Variants in SLC25A38 observed in about 807,000 individuals in gnomAD.
SLC25A38 encodes solute carrier family 25 member 38, also known as mitochondrial glycine transporter.
SLC25A38 carries 27 observed loss-of-function variants against 33.4 expected under a neutral mutation model. The observed-to-expected ratio is 0.81, with a 90% CI of 0.60 to 1.11. The LOEUF (loss-of-function observed/expected upper bound fraction) is 1.11. Ranked by LOEUF, SLC25A38 falls within the 50% of genes most tolerant of loss-of-function variation. The pLI, the probability that SLC25A38 is intolerant of heterozygous loss-of-function variation, is 0.00. For missense variants in SLC25A38, 344 were observed against 388.8 expected, an observed-to-expected ratio of 0.88 and a Z score of 0.97; for synonymous variants, 123 against 145.9, an observed-to-expected ratio of 0.84 and a Z score of 1.13.
Position 39,390,462 on chromosome 3 carries a change from G to C in SLC25A38, c.231G>C (p.Val77=). 1 of 1,614,196 alleles carries C rather than the reference G, an allele frequency of 6.2e-7. No individual in the cohort carries two copies. The highest frequency in any genetic ancestry group is 1.6e-4 in the Middle Eastern group (1 of 6,062). ...GGATGTTGGCTGTACTCTTGAAGGT[G>C]GTTCGCACGGAGAGTCTTTTGGGCC... The part of the protein sequence containing the change: ...RVGMLAVLLK[V]VRTESLLGLW... Residue 77 remains valine (V), a synonymous_variant, in exon 3 of 7, where the codon GTG becomes GTC. Transcript: ENST00000650617.
chr3:39,386,284 T>C (rs2041707346), intron 1 of SLC25A38, among the ~76,000 whole-genome samples: 1 of 152,162 alleles, frequency 6.6e-6, no homozygotes. Context: ...ATTTGCAGTT[T>C]TAAAAGATGA....
At position 39,389,437 on chromosome 3, in the gene SLC25A38, G is replaced by A; in HGVS notation, c.70-58G>A. 1 of 1,614,022 alleles carries A rather than the reference G, an allele frequency of 6.2e-7. No homozygotes were observed. Among genetic ancestry groups the A allele is most frequent in the African/African-American group, 1.3e-5 (1 of 75,070 alleles). ...TAAAGGAATTTGCTGGTCAGGTATA[G>A]AGAAAGGTGAGGCTCACACAGGCAG... On this transcript the variant is annotated intron_variant, in intron 1 of 6. Transcript: ENST00000650617. The surrounding 1 kb of genome is among the most constrained non-coding windows in gnomAD (Gnocchi z 4.5).
chr3:39,391,113 C>T (rs2041761428), intron 3 of SLC25A38, among the ~76,000 whole-genome samples: 2 of 152,220 alleles, frequency 1.3e-5, no homozygotes, highest in African/African-American at 4.8e-5. Context: ...ACAGAGTCCT[C>T]AACCACTGAA....
chr3:39,394,375 A>T, intron 5 of SLC25A38, 35 bp from the exon 6 acceptor site: 1 of 1,611,648 alleles, frequency 6.2e-7, no homozygotes, highest in Non-Finnish European at 8.5e-7. Context: ...TTAATATAAG[A>T]TCTATGTCCA....
intron 1 of SLC25A38, among the ~76,000 whole-genome samples, chr3:39,388,953 G>A (rs973674945): frequency 5.3e-5 from 8 of 152,174 alleles, no homozygotes; most frequent in Admixed American, 5.2e-4. Context: ...GATCTGCTTA[G>A]GGCCCAGTGA....
In SLC25A38 at chr3:39,389,390, G is replaced by GT; in HGVS notation, c.70-104dup. ...TGAAGAAAACATGAGGCACCACCAG[G>GT]TAAGTGTCTAAGAGACCATTATAAA... On this transcript the variant is annotated intron_variant, in intron 1 of 6. Transcript: ENST00000650617. The surrounding 1 kb of genome is among the most constrained non-coding windows in gnomAD (Gnocchi z 4.5). The GT allele has an allele frequency of 6.4e-7, 1 of 1,568,794 alleles. No individual in the cohort carries two copies. The highest frequency in any genetic ancestry group is 2.2e-5 in the East Asian group (1 of 44,626).
At chr3:39,391,348 G>A (rs1050368262) in intron 3 of SLC25A38, 93 bp from the exon 4 acceptor site, 17 of 1,568,774 alleles carry the variant, frequency 1.1e-5, no homozygotes, top group African/African-American at 6.8e-5. Context: ...ACTTGCATGC[G>A]AATCATCTTG....
intron 4 of SLC25A38, 58 bp downstream of exon 4, chr3:39,391,678 G>A: frequency 6.2e-7 from 1 of 1,612,350 alleles, no homozygotes; most frequent in Non-Finnish European, 8.5e-7. Context: ...GGGCTCCTGG[G>A]GAGTGACCAC....
At position 39,389,450 on chromosome 3, in the gene SLC25A38, C is replaced by T; in HGVS notation, c.70-45C>T. The T allele has an allele frequency of 6.2e-7, 1 of 1,614,162 alleles. No homozygotes were observed. The highest frequency in any genetic ancestry group is 1.1e-5 in the South Asian group (1 of 91,054). On this transcript the variant is annotated intron_variant, in intron 1 of 6. Transcript: ENST00000650617. This position sits in a 1 kb window ranked among gnomAD's most constrained non-coding sequence, Gnocchi z 4.5. Reference sequence around the variant, plus strand: ...TGGTCAGGTATAGAGAAAGGTGAGGCTCACACAGGCAGAGCTACTGACACA... The same window carrying T: ...TGGTCAGGTATAGAGAAAGGTGAGGTTCACACAGGCAGAGCTACTGACACA...
chr3:39,391,780 C>T, intron 4 of SLC25A38, 73 bp from the exon 5 acceptor site: 2 of 1,607,986 alleles, frequency 1.2e-6, no homozygotes, highest in Non-Finnish European at 1.7e-6. Context: ...TGCCCCATAA[C>T]CTGCAGTCTG....
At chr3:39,387,545 C>G (rs1343307025) in intron 1 of SLC25A38, among the ~76,000 whole-genome samples, 1 of 152,126 alleles carries the variant, frequency 6.6e-6, no homozygotes, top group Non-Finnish European at 1.5e-5. Context: ...CCTGGAGTAT[C>G]CCAGTGTGGA....
In SLC25A38 at chr3:39,385,202, T is replaced by A. The variant is rs184507124; in HGVS notation, c.69+1409T>A. ...ATTCAGTATTACCTGTTGGGATGGT[T>A]TTTGTTGTTGTTGTTGTCTTGTTTT... On this transcript the variant is annotated intron_variant, in intron 1 of 6. Coordinates refer to ENST00000650617, the MANE Select transcript of SLC25A38 (RefSeq NM_017875.4). 3.3e-5 allele frequency among the ~76,000 whole-genome samples: 5 copies of A among 152,254 alleles called. No individual in the cohort carries two copies. The East Asian group carries it at 9.6e-4, about 29-fold the overall frequency.
In SLC25A38 at chr3:39,391,997, C is replaced by T. The variant is rs1477940246; in HGVS notation, c.601C>T (p.Gln201Ter). The part of the protein sequence containing the change: ...FSGIYLMFYN[Q>*]TKNIVPHDQV... ...AGGAATCTACCTGATGTTTTACAAC[C>T]AGACCAAAAATATAGTGCCTCATGG... The change falls in exon 5 of 7, where the codon CAG becomes TAG. Residue 201 changes from glutamine (Q) to a stop codon, truncating the protein, a stop_gained. Coordinates refer to ENST00000650617, the MANE Select transcript of SLC25A38 (RefSeq NM_017875.4). LOFTEE classifies it high-confidence loss of function. The T allele has an allele frequency of 2.5e-6, 4 of 1,614,200 alleles. No individual in the cohort carries two copies. The South Asian group carries it at 4.4e-5, about 18-fold the overall frequency.
At chr3:39,393,928 A>C (rs1378673364) in intron 5 of SLC25A38, among the ~76,000 whole-genome samples, 2 of 152,218 alleles carry the variant, frequency 1.3e-5, no homozygotes, top group African/African-American at 4.8e-5. Context: ...CTTCATGATT[A>C]GATTTTTAGC....
At chr3:39,390,397 C>G in intron 2 of SLC25A38, 26 bp from the exon 3 acceptor site, 1 of 1,613,170 alleles carries the variant, frequency 6.2e-7, no homozygotes, top group Admixed American at 1.7e-5. Flanking sequence ...TTTTTTCCTT[C>G]CTGTCTCCAT....
rs141545606 is a variant in SLC25A38 at position 39,391,466 on chromosome 3, T to C, written c.302T>C (p.Val101Ala). The C allele has an allele frequency of 2.9e-4, 462 of 1,613,990 alleles. No homozygotes were observed. The highest frequency in any genetic ancestry group is 6.5e-4 in the Admixed American group (39 of 60,028). The change falls in exon 4 of 7, where the codon GTT becomes GCT. Residue 101 changes from valine to alanine, a missense_variant. This residue lies in a region of SLC25A38 where 269 missense variants were observed against 271.8 expected (regional missense o/e 0.99). Coordinates refer to ENST00000650617, the MANE Select transcript of SLC25A38 (RefSeq NM_017875.4). ...TCCATTGTGAGATGTGTCCCTGGCG[T>C]TGGAATCTACTTTGGCACTCTCTAC... The part of the protein sequence containing the change: ...SPSIVRCVPG[V>A]GIYFGTLYSL...
rs1402312480 is a variant in SLC25A38 at position 39,397,229 on chromosome 3, AAAG to A, written c.*711_*713del. 6.5e-6 allele frequency: 1 copy of A among 152,944 alleles called. No homozygotes were observed. The highest frequency in any genetic ancestry group is 1.9e-4 in the East Asian group (1 of 5,212). 9.5% of individuals were successfully genotyped at this position (152,944 alleles called of 1,614,324 possible). A position where few individuals can be genotyped will look rare whatever the true frequency, so the allele number is the denominator to read the frequency against. On this transcript the variant is annotated 3_prime_UTR_variant, in exon 7 of 7. Transcript: ENST00000650617. ...CATTGAAAGCTGTTTGGAAAACCTA[AAAG>A]ATGTTGTCACACTTCTGTTTTCTTT...
Position 39,383,640 on chromosome 3 carries a change from T to G in SLC25A38, c.-85T>G. The G allele has an allele frequency of 6.6e-7, 1 of 1,520,344 alleles. No homozygotes were observed. The allele number at this position is 1,520,344 out of a possible 1,614,324, so 94.2% of individuals were successfully genotyped here. On this transcript the variant is annotated 5_prime_UTR_variant, in exon 1 of 7. Coordinates refer to ENST00000650617, the MANE Select transcript of SLC25A38 (RefSeq NM_017875.4). ...GCGTCGCCTGGCTAGCGCCACCCCC[T>G]AGCCTTCTTCAAGGCCTCCAGGGCT...
rs200791957 is a variant in SLC25A38, at chr3:39,390,430, C to T, written c.199C>T (p.Arg67Cys). The change falls in exon 3 of 7, where the codon CGT becomes TGT. Residue 67 changes from arginine to cysteine, a missense_variant. Physicochemically the swap from Arg to Cys is radical, Grantham distance 180 (BLOSUM62 -3). Transcript: ENST00000650617. ...CATTTTGTCTGCTTTCAGGTCTAGA[C>T]GTGTTGGGATGTTGGCTGTACTCTT... is the stretch of plus-strand genomic sequence containing the variant. ...TLQPSDHGSR[R>C]VGMLAVLLKV... is the part of the protein sequence containing the mutation. 1.1e-4 allele frequency: 185 copies of T among 1,614,076 alleles called. No individual in the cohort carries two copies. In the Middle Eastern group the frequency reaches 1.3e-3, roughly 12 times the overall value.
Sources: gnomAD v4.1 joint callset for allele counts (sites outside exome capture counted in the v4.1 genomes callset) on GRCh38, gnomAD v4.1.1 for gene constraint, gnomAD v4.1.1 regional missense constraint, Gnocchi (gnomAD v3.1) non-coding constraint, MANE v1.5 for transcripts, NCBI Gene and HGNC (gene_info 2026-07-23, HGNC 2026-07-21) for gene names.